Variants in SLC7A8 observed in about 807,000 individuals in gnomAD.
SLC7A8 encodes large neutral amino acids transporter small subunit 2.
A neutral mutation model predicts 51.2 loss-of-function variants in SLC7A8; 30 were observed. The observed-to-expected ratio is 0.59, with a 90% CI of 0.44 to 0.80. The LOEUF is 0.80. Among genes scored for constraint, SLC7A8 ranks in the 30% least tolerant of loss-of-function variants. The pLI, the probability that SLC7A8 is intolerant of heterozygous loss-of-function variation, is 0.00. For missense variants in SLC7A8, 612 were observed against 674.4 expected (o/e 0.91, Z 1.03); for synonymous variants, 257 against 275.8 (o/e 0.93, Z 0.67).
chr14:23,141,303 A>AAAAC (rs372427499), intron 4 of SLC7A8, among the ~76,000 whole-genome samples: 1 of 152,320 alleles, frequency 6.6e-6, no homozygotes, highest in South Asian at 2.1e-4. Flanking sequence ...AAAAAAGAAA[A>AAAAC]AAACAAACAA....
At chr14:23,132,251 C>T (rs1032132754) in intron 7 of SLC7A8, among the ~76,000 whole-genome samples, 3 of 152,200 alleles carry the variant, frequency 2.0e-5, no homozygotes, top group African/African-American at 7.2e-5. Flanking sequence ...ATCCACTTGC[C>T]TCGGCCTCCC....
At chr14:23,140,661 C>A (rs781353721) in intron 4 of SLC7A8, 37 bp from the exon 5 acceptor site, 1 of 1,591,054 alleles carries the variant, frequency 6.3e-7, no homozygotes, top group African/African-American at 1.3e-5. Flanking sequence ...CTCAGTGAGA[C>A]AAGTCAGGGG....
chr14:23,142,647 T>C (rs1331797206), intron 4 of SLC7A8, among the ~76,000 whole-genome samples: 1 of 152,180 alleles, frequency 6.6e-6, no homozygotes, highest in Non-Finnish European at 1.5e-5. Flanking sequence ...ACCACAGCCA[T>C]GCACCACCAT....
chr14:23,143,589 G>A (rs2048764903), intron 3 of SLC7A8, among the ~76,000 whole-genome samples: 1 of 152,186 alleles, frequency 6.6e-6, no homozygotes, highest in Non-Finnish European at 1.5e-5. Context: ...ACCTTCCTGA[G>A]CCTGATTTTG....
chr14:23,136,390 T>C (rs1237057099), intron 7 of SLC7A8, among the ~76,000 whole-genome samples: 4 of 152,142 alleles, frequency 2.6e-5, no homozygotes, highest in Admixed American at 2.0e-4. Flanking sequence ...CCAAGTGTAA[T>C]TGTCCAGATC....
intron 1 of SLC7A8, among the ~76,000 whole-genome samples, chr14:23,173,654 A>C (rs1274674449): frequency 6.6e-6 from 1 of 151,624 alleles, no homozygotes; most frequent in Non-Finnish European, 1.5e-5. Context: ...TTAAATTTTT[A>C]CTTTTTTTTT....
At chr14:23,138,806 C>A (rs1394037890) in intron 6 of SLC7A8, among the ~76,000 whole-genome samples, 1 of 152,134 alleles carries the variant, frequency 6.6e-6, no homozygotes, top group African/African-American at 2.4e-5. Flanking sequence ...ACAGGCTGCC[C>A]CAGGAGATGG....
At chr14:23,145,455 A>T (rs2048785030) in intron 3 of SLC7A8, among the ~76,000 whole-genome samples, 1 of 143,266 alleles carries the variant, frequency 7.0e-6, no homozygotes, top group African/African-American at 2.6e-5. Flanking sequence ...TGTACCCGGG[A>T]GGCGGAGGTT....
chr14:23,178,329 C>T (rs931887365), intron 1 of SLC7A8, among the ~76,000 whole-genome samples: 2 of 152,180 alleles, frequency 1.3e-5, no homozygotes, highest in East Asian at 3.8e-4. Flanking sequence ...ATGCTGCCAA[C>T]AGGTTTCCTT....
intron 8 of SLC7A8, among the ~76,000 whole-genome samples, chr14:23,130,601 A>C (rs1314002318): frequency 1.3e-5 from 2 of 152,182 alleles, no homozygotes; most frequent in Admixed American, 1.3e-4. Context: ...AAACAAAACA[A>C]AACAAAAAAA....
intron 3 of SLC7A8, among the ~76,000 whole-genome samples, chr14:23,159,273 A>C (rs1376878170): frequency 1.3e-5 from 2 of 152,208 alleles, no homozygotes; most frequent in African/African-American, 4.8e-5. Flanking sequence ...TTTCATCTTA[A>C]TGCATCATAA....
chr14:23,154,461 G>C (rs768316075), intron 3 of SLC7A8: 4 of 986,670 alleles, frequency 4.1e-6, no homozygotes, highest in Non-Finnish European at 3.6e-6. Flanking sequence ...GCTCGGCTCT[G>C]TGATTGGCTG....
At chr14:23,131,597 G>GCT in intron 7 of SLC7A8, 40 bp from the exon 8 acceptor site, 1 of 1,502,802 alleles carries the variant, frequency 6.7e-7, no homozygotes, top group Non-Finnish European at 9.0e-7. Context: ...GATAACCCAG[G>GCT]GACCACCAAG....
Position 23,127,121 on chromosome 14 carries a change from C to T in SLC7A8, c.*56G>A. Reference sequence around the variant, plus strand: ...CTCGCATGTGTTGGCAGGACCAAGGCAGGGAGGTAGGATAAAAGGGGGAGG... The same window carrying T: ...CTCGCATGTGTTGGCAGGACCAAGGTAGGGAGGTAGGATAAAAGGGGGAGG... On this transcript the variant is annotated 3_prime_UTR_variant, in exon 11 of 11. Transcript: ENST00000316902. The T allele has an allele frequency of 1.2e-6, 2 of 1,603,424 alleles. No homozygotes were observed.
chr14:23,182,228 A>G (rs1316859666), intron 1 of SLC7A8, among the ~76,000 whole-genome samples: 2 of 152,236 alleles, frequency 1.3e-5, no homozygotes, highest in African/African-American at 4.8e-5. Flanking sequence ...TGTCACAGCT[A>G]CTTCACACAG....
intron 5 of SLC7A8, among the ~76,000 whole-genome samples, chr14:23,139,895 T>C (rs955309902): frequency 2.6e-5 from 4 of 152,064 alleles, no homozygotes; most frequent in Admixed American, 2.0e-4. Flanking sequence ...TAGTCCCAGA[T>C]ACTTAGGAGG....
chr14:23,132,170 A>G (rs2048642412), intron 7 of SLC7A8, among the ~76,000 whole-genome samples: 1 of 151,590 alleles, frequency 6.6e-6, no homozygotes, highest in African/African-American at 2.4e-5. Context: ...TGCCCAGCTA[A>G]TTTTTGTATT....
In SLC7A8 at chr14:23,137,949, C is replaced by T. The variant is rs200418812; in HGVS notation, c.988G>A (p.Val330Ile). Residue 330 changes from valine to isoleucine, a missense_variant, in exon 7 of 11, where the codon GTT becomes ATT. Transcript: ENST00000316902. ...GAGGAGGTGAAGAGAGACCCATTAA[C>T]TCCTCCAAATGTGGACAGGGCAACA... The part of the protein sequence containing the change: ...ISVALSTFGG[V>I]NGSLFTSSRL... 6.2e-7 allele frequency: 1 copy of T among 1,613,936 alleles called. No homozygotes were observed. Among genetic ancestry groups the T allele is most frequent in the Non-Finnish European group, 8.5e-7 (1 of 1,180,018 alleles).
Position 23,143,144 on chromosome 14 carries a change from A to T in SLC7A8, c.569T>A (p.Phe190Tyr). Residue 190 changes from phenylalanine to tyrosine, a missense_variant, in exon 4 of 11, where the codon TTC becomes TAC. Transcript: ENST00000316902. ...CAAGGCCAGGAGCTTCCCAGCTGTG[A>T]AGATGTCTTGAACCCGGGTGGCCCA... The part of the protein sequence containing the change: ...VRWATRVQDI[F>Y]TAGKLLALAL... 1 of 1,614,188 alleles carries T rather than the reference A, an allele frequency of 6.2e-7. No individual in the cohort carries two copies. Among genetic ancestry groups the T allele is most frequent in the African/African-American group, 1.3e-5 (1 of 75,048 alleles).
Sources: gnomAD v4.1 joint callset for allele counts (sites outside exome capture counted in the v4.1 genomes callset) on GRCh38, gnomAD v4.1.1 for gene constraint, MANE v1.5 for transcripts, NCBI Gene and HGNC (gene_info 2026-07-23, HGNC 2026-07-21) for gene names.